RBAK: variants seen among roughly 807,000 people sequenced by gnomAD.
RBAK encodes the protein RB-associated KRAB zinc finger protein.
Under a neutral mutation model 65.8 loss-of-function variants are expected in RBAK, and 39 were observed. The observed-to-expected ratio is 0.59, with a 90% CI of 0.46 to 0.77. The LOEUF is 0.77. Ranked by LOEUF, RBAK falls within the 30% of genes least tolerant of loss-of-function variation. RBAK has a pLI of 0.00. For missense variants in RBAK, 884 were observed against 855.1 expected, an observed-to-expected ratio of 1.03 and a Z score of -0.42; for synonymous variants, 343 against 289.7, an observed-to-expected ratio of 1.18 and a Z score of -1.87.
At chr7:5,062,728 C>T (rs567822573) in intron 4 of RBAK, among the ~76,000 whole-genome samples, 168 of 152,152 alleles carry the variant, frequency 1.1e-3, no homozygotes, top group Non-Finnish European at 2.1e-3. Flanking sequence ...TAGACGACGG[C>T]CACACCTAAG....
chr7:5,065,378 A>G lies in RBAK; in HGVS notation c.1922A>G (p.His641Arg). ...TCTCGGATGTCAAACCTCACTGTCC[A>G]CTACAGAAGCCATTCAGGAGAGAAA... Reference protein sequence around the residue: ...VFSRMSNLTVHYRSHSGEKPY... With the variant: ...VFSRMSNLTVRYRSHSGEKPY... Residue 641 changes from histidine to arginine, a missense_variant, in exon 5 of 5, where the codon CAC becomes CGC. By Grantham distance (29) the His-to-Arg change is conservative (BLOSUM62 0). Coordinates refer to ENST00000396912, the MANE Select transcript of RBAK (RefSeq NM_021163.4). The surrounding 1 kb of genome is among the most constrained non-coding windows in gnomAD (Gnocchi z 5.3). 6.8e-6 allele frequency: 11 copies of G among 1,613,672 alleles called. No individual in the cohort carries two copies. The highest frequency in any genetic ancestry group is 9.3e-6 in the Non-Finnish European group (11 of 1,179,782).
At chr7:5,063,133 A>T (rs1779118955) in intron 4 of RBAK, among the ~76,000 whole-genome samples, 1 of 152,214 alleles carries the variant, frequency 6.6e-6, no homozygotes, top group African/African-American at 2.4e-5. Context: ...TTCACAATTT[A>T]TGTTCAGAGA....
rs143396053 is a variant in RBAK, at chr7:5,066,963, GA to G, written c.*1366del. On this transcript the variant is annotated 3_prime_UTR_variant, in exon 5 of 5. Coordinates refer to ENST00000396912, the MANE Select transcript of RBAK (RefSeq NM_021163.4). ...CAGTTGCTATTATACACCACCTGTAGAAAAGTAATCTGGCATGCAGAACATT... is the reference window on the plus strand; with the variant it reads ...CAGTTGCTATTATACACCACCTGTAGAAAGTAATCTGGCATGCAGAACATT... 4.1e-3 allele frequency: 621 copies of G among 152,296 alleles called. No homozygotes were observed. The highest frequency in any genetic ancestry group is 0.015 in the African/African-American group (606 of 41,574). The allele number at this position is 152,296 out of a possible 1,614,324, so 9.4% of individuals were successfully genotyped here.
At chr7:5,047,442 A>AT (rs992620412) in intron 1 of RBAK, among the ~76,000 whole-genome samples, 14 of 149,750 alleles carry the variant, frequency 9.3e-5, no homozygotes, top group South Asian at 6.3e-4. Context: ...TATAATGGGA[A>AT]TTTTTTTTTT....
rs189379921 is a variant in RBAK at position 5,050,643 on chromosome 7, C to T, written c.15+2552C>T. 4.3e-4 allele frequency among the ~76,000 whole-genome samples: 66 copies of T among 152,234 alleles called. No homozygotes were observed. The East Asian group carries it at 0.011, about 26-fold the overall frequency. On this transcript the variant is annotated intron_variant, in intron 2 of 4. Coordinates refer to ENST00000396912, the MANE Select transcript of RBAK (RefSeq NM_021163.4). The stretch of plus-strand genomic sequence containing the variant: ...TCTGTCACCCAGGCTGTCGTGTTTA[C>T]GGCTCACTGCAGCCTCAAACTCCTG...
In RBAK at chr7:5,064,501, G is replaced by A. The variant is rs200186724; in HGVS notation, c.1045G>A (p.Glu349Lys). 53 of 1,613,876 alleles carry A rather than the reference G, an allele frequency of 3.3e-5. No homozygotes were observed. Among genetic ancestry groups the A allele is most frequent in the South Asian group, 1.6e-4 (15 of 91,078 alleles). The change falls in exon 5 of 5, where the codon GAA becomes AAA. Residue 349 changes from glutamate (E) to lysine (K), a missense_variant. Physicochemically the swap from Glu to Lys is moderately conservative, Grantham distance 56. Transcript: ENST00000396912. The surrounding 1 kb of genome is among the most constrained non-coding windows in gnomAD (Gnocchi z 6.3). ...AGGAGAGAAACCCTACGAATGTAGC[G>A]AATGTGGGAAAACCTTCTGCCAAAA... ...HSGEKPYECS[E>K]CGKTFCQKTH...
At chr7:5,058,349 A>T (rs950143373) in intron 4 of RBAK, among the ~76,000 whole-genome samples, 1 of 152,182 alleles carries the variant, frequency 6.6e-6, no homozygotes, top group African/African-American at 2.4e-5. Flanking sequence ...TGCTGAGATT[A>T]CAGTCCTGAG....
Position 5,066,863 on chromosome 7 carries a change from G to A in RBAK, c.*1262G>A, listed in dbSNP as rs921134105. The A allele has an allele frequency of 7.2e-5, 11 of 152,146 alleles. No individual in the cohort carries two copies. The highest frequency in any genetic ancestry group is 2.7e-4 in the African/African-American group (11 of 41,446). 9.4% of individuals were successfully genotyped at this position (152,146 alleles called of 1,614,324 possible). A position where few individuals can be genotyped will look rare whatever the true frequency, so the allele number is the denominator to read the frequency against. On this transcript the variant is annotated 3_prime_UTR_variant, in exon 5 of 5. Coordinates refer to ENST00000396912, the MANE Select transcript of RBAK (RefSeq NM_021163.4). ...GGGTAAACAAAACAAAGATGGACTTGTTCTGGGAAAAGGTAAAATGGTAAT... is the reference window on the plus strand; with the variant it reads ...GGGTAAACAAAACAAAGATGGACTTATTCTGGGAAAAGGTAAAATGGTAAT...
chr7:5,057,502 T>C, intron 3 of RBAK, 81 bp downstream of exon 3: 1 of 1,612,094 alleles, frequency 6.2e-7, no homozygotes, highest in South Asian at 1.1e-5. Context: ...GATGACACCA[T>C]TTAATTCCTT....
intron 1 of RBAK, among the ~76,000 whole-genome samples, 163 bp from the exon 2 acceptor site, chr7:5,047,870 C>T (rs1463267250): frequency 6.6e-6 from 1 of 151,982 alleles, no homozygotes; most frequent in Non-Finnish European, 1.5e-5. Context: ...GCCAACATGG[C>T]GAAACCCTGT....
intron 2 of RBAK, among the ~76,000 whole-genome samples, chr7:5,056,110 T>C (rs1255903115): frequency 2.3e-4 from 33 of 146,662 alleles, no homozygotes; most frequent in African/African-American, 4.0e-4. Flanking sequence ...TTTTCTTTTT[T>C]TTTTTTTTTT....
In RBAK at chr7:5,065,682, G is replaced by A. The variant is rs565659840; in HGVS notation, c.*81G>A. ...ATAGGAAGTCAAAGCGTTTATCTGA[G>A]AGTTCGTGTTCCTGAACGGTGAGAA... On this transcript the variant is annotated 3_prime_UTR_variant, in exon 5 of 5. Coordinates refer to ENST00000396912, the MANE Select transcript of RBAK (RefSeq NM_021163.4). This position sits in a 1 kb window ranked among gnomAD's most constrained non-coding sequence, Gnocchi z 5.3. The A allele has an allele frequency of 1.0e-5, 11 of 1,081,202 alleles. No homozygotes were observed. The highest frequency in any genetic ancestry group is 9.6e-5 in the African/African-American group (6 of 62,626). The allele number at this position is 1,081,202 out of a possible 1,614,324, so 67.0% of individuals were successfully genotyped here. A position where few individuals can be genotyped will look rare whatever the true frequency, so the allele number is the denominator to read the frequency against.
At position 5,065,445 on chromosome 7, in the gene RBAK, G is replaced by C. The variant is rs1779194212; in HGVS notation, c.1989G>C (p.Lys663Asn). The C allele has an allele frequency of 6.2e-7, 1 of 1,613,710 alleles. No homozygotes were observed. Among genetic ancestry groups the C allele is most frequent in the Non-Finnish European group, 8.5e-7 (1 of 1,179,778 alleles). ...AATGTGGGAAAGTCTTTTCTCAGAA[G>C]TCATACCTCACTGTACACTATAGAA... is the stretch of plus-strand genomic sequence containing the variant. The part of the protein sequence containing the change: ...CNECGKVFSQ[K>N]SYLTVHYRTH... The change falls in exon 5 of 5, where the codon AAG becomes AAC. Residue 663 changes from lysine to asparagine, a missense_variant. By Grantham distance (94) the Lys-to-Asn change is moderately conservative. Transcript: ENST00000396912. This position sits in a 1 kb window ranked among gnomAD's most constrained non-coding sequence, Gnocchi z 5.3.
intron 4 of RBAK, among the ~76,000 whole-genome samples, chr7:5,061,876 T>A (rs949922870): frequency 2.0e-5 from 3 of 151,454 alleles, no homozygotes; most frequent in African/African-American, 4.9e-5. Context: ...CCAGCCTGGG[T>A]GATAGAGCGA....
intron 1 of RBAK, among the ~76,000 whole-genome samples, chr7:5,047,328 G>C (rs1164701555): frequency 6.6e-6 from 1 of 152,176 alleles, no homozygotes; most frequent in Non-Finnish European, 1.5e-5. Context: ...GAGGCCAGGA[G>C]GTCGAGGCTG....
chr7:5,064,549 A>T lies in RBAK; in HGVS notation c.1093A>T (p.Arg365Trp), dbSNP rs1487885257. 1.2e-6 allele frequency: 2 copies of T among 1,613,998 alleles called. No individual in the cohort carries two copies. Among genetic ancestry groups the T allele is most frequent in the South Asian group, 2.2e-5 (2 of 91,076 alleles). ...AAAGACACATCTCACCCTGCACCAG[A>T]GGAATCATTCAGGAGAGAGGCCCTA... ...CQKTHLTLHQRNHSGERPYPC... is the reference protein window; with the variant it reads ...CQKTHLTLHQWNHSGERPYPC... The change falls in exon 5 of 5, where the codon AGG becomes TGG. Residue 365 changes from arginine (R) to tryptophan (W), a missense_variant. Coordinates refer to ENST00000396912, the MANE Select transcript of RBAK (RefSeq NM_021163.4). This position sits in a 1 kb window ranked among gnomAD's most constrained non-coding sequence, Gnocchi z 6.3.
chr7:5,046,166 C>A lies in RBAK; in HGVS notation c.-275C>A, dbSNP rs935234220. ...CGGGCCTGGCCCGTGTGTGTCCTGG[C>A]GGCCTGGCCCAGGCTGCCGCTGTAC... On this transcript the variant is annotated 5_prime_UTR_variant, in exon 1 of 5. Coordinates refer to ENST00000396912, the MANE Select transcript of RBAK (RefSeq NM_021163.4). 1.4e-5 allele frequency: 6 copies of A among 427,234 alleles called. No homozygotes were observed. The highest frequency in any genetic ancestry group is 2.8e-5 in the Non-Finnish European group (6 of 215,422). 26.5% of individuals were successfully genotyped at this position (427,234 alleles called of 1,614,324 possible). A position where few individuals can be genotyped will look rare whatever the true frequency, so the allele number is the denominator to read the frequency against.
At chr7:5,057,221 C>T (rs185614423) in intron 2 of RBAK, 74 bp from the exon 3 acceptor site, 1,134 of 1,608,780 alleles carry the variant, frequency 7.0e-4, no homozygotes, top group Non-Finnish European at 8.6e-4. Context: ...TTAACTTTAC[C>T]GGTGGGCTTT....
At position 5,057,799 on chromosome 7, in the gene RBAK, A is replaced by T. The variant is rs760670684; in HGVS notation, c.238+20A>T. ...GTCCAGGTAAGTTAGTAGCGTATCA[A>T]AGGTTAAAAAATGCTCATCCCAGAC... On this transcript the variant is annotated intron_variant, in intron 4 of 4. Transcript: ENST00000396912. 9.9e-6 allele frequency: 16 copies of T among 1,613,628 alleles called. No individual in the cohort carries two copies. The African/African-American group carries it at 2.0e-4, about 20-fold the overall frequency.
Sources: gnomAD v4.1 joint callset for allele counts (sites outside exome capture counted in the v4.1 genomes callset) on GRCh38, gnomAD v4.1.1 for gene constraint, Gnocchi (gnomAD v3.1) non-coding constraint, MANE v1.5 for transcripts, NCBI Gene and HGNC (gene_info 2026-07-23, HGNC 2026-07-21) for gene names.